The following JCAD variants were observed in gnomAD, a reference collection of about 807,000 sequenced individuals.
JCAD encodes the protein junctional cadherin 5 associated.
JCAD carries 40 observed loss-of-function variants against 98.0 expected under a neutral mutation model. That is an observed-to-expected ratio of 0.41 (90% CI 0.32 to 0.53). The LOEUF (loss-of-function observed/expected upper bound fraction) is 0.53. Among genes scored for constraint, JCAD ranks in the 20% least tolerant of loss-of-function variants. JCAD has a pLI of 0.31. For synonymous variants in JCAD, 691 were observed against 682.3 expected (o/e 1.01, Z -0.20); for missense variants, 1,705 against 1,738.1 (o/e 0.98, Z 0.34).
intron 1 of JCAD, among the ~76,000 whole-genome samples, chr10:30,110,779 T>C (rs1255396140): frequency 6.6e-6 from 1 of 151,362 alleles, no homozygotes; most frequent in Non-Finnish European, 1.5e-5. Flanking sequence ...TATGGACCAG[T>C]TGATGTATGG....
chr10:30,023,766 GTGT>G (rs1357919613), intron 3 of JCAD, among the ~76,000 whole-genome samples: 1 of 151,968 alleles, frequency 6.6e-6, no homozygotes, highest in East Asian at 1.9e-4. Flanking sequence ...CATGAGGGAG[GTGT>G]TGTTAATAAC....
At chr10:30,025,962 A>G in intron 3 of JCAD, 141 bp downstream of exon 3, 1 of 945,768 alleles carries the variant, frequency 1.1e-6, no homozygotes, top group South Asian at 1.5e-5. Context: ...AAAATGAGGA[A>G]TCTTTTGATA....
chr10:30,021,200 C>A (rs1836654445), intron 3 of JCAD, among the ~76,000 whole-genome samples: 1 of 152,156 alleles, frequency 6.6e-6, no homozygotes, highest in African/African-American at 2.4e-5. Context: ...ATGTGGGCCA[C>A]AAAACATTAT....
Position 30,028,525 on chromosome 10 carries a change from A to C in JCAD, c.1623T>G (p.Val541=). 1 of 1,614,130 alleles carries C rather than the reference A, an allele frequency of 6.2e-7. No individual in the cohort carries two copies. Among genetic ancestry groups the C allele is most frequent in the South Asian group, 1.1e-5 (1 of 91,082 alleles). Residue 541 remains valine, a synonymous_variant, in exon 3 of 4, where the codon GTT becomes GTG. Coordinates refer to ENST00000375377, the MANE Select transcript of JCAD (RefSeq NM_020848.4). Reference sequence around the variant, plus strand: ...TCTCGCCCTGTGAGTAAGGGGAGGAAACTTGTCTTCCAGTGTGCCCGTGCT... The same window carrying C: ...TCTCGCCCTGTGAGTAAGGGGAGGACACTTGTCTTCCAGTGTGCCCGTGCT... ...GSQHGHTGRQ[V]SSPYSQGEST... is the part of the protein sequence containing the mutation.
chr10:30,092,098 T>TTATATA (rs1554802538), intron 1 of JCAD, among the ~76,000 whole-genome samples: 4 of 44,598 alleles, frequency 9.0e-5, no homozygotes, highest in South Asian at 9.6e-4. Flanking sequence ...TAAAGTTACT[T>TTATATA]TATATATATA....
rs1378010570 is a variant in JCAD at position 30,027,960 on chromosome 10, C to CT, written c.2187dup (p.Ala730SerfsTer11). The CT allele has an allele frequency of 6.2e-7, 1 of 1,614,230 alleles. No homozygotes were observed. Among genetic ancestry groups the CT allele is most frequent in the African/African-American group, 1.3e-5 (1 of 75,056 alleles). ...GTAGGGAATGCTGTGTGCGTCTGAG[C>CT]TTCGGAGGCAGCAGGGTCTGAACAT... On this transcript the variant is annotated frameshift_variant, in exon 3 of 4. Coordinates refer to ENST00000375377, the MANE Select transcript of JCAD (RefSeq NM_020848.4). LOFTEE classifies it high-confidence loss of function.
At chr10:30,098,883 A>G (rs1010184808) in intron 1 of JCAD, among the ~76,000 whole-genome samples, 3 of 152,192 alleles carry the variant, frequency 2.0e-5, no homozygotes, top group Non-Finnish European at 4.4e-5. Context: ...TTTGGAGCTC[A>G]TGTTGCAAGC....
chr10:30,082,908 C>T (rs1297633118), intron 1 of JCAD, among the ~76,000 whole-genome samples: 1 of 149,558 alleles, frequency 6.7e-6, no homozygotes, highest in South Asian at 2.1e-4. Context: ...GTGGCATGCA[C>T]CTGTAGTCCC....
chr10:30,024,661 G>A (rs1836743709), intron 3 of JCAD, among the ~76,000 whole-genome samples: 1 of 150,800 alleles, frequency 6.6e-6, no homozygotes, highest in South Asian at 2.1e-4. Flanking sequence ...CACTGTATTT[G>A]GGGGAAACTT....
At chr10:30,071,424 T>C (rs1213703663) in intron 1 of JCAD, among the ~76,000 whole-genome samples, 1 of 152,180 alleles carries the variant, frequency 6.6e-6, no homozygotes, top group Non-Finnish European at 1.5e-5. Context: ...TCTTCTAATG[T>C]TGGAGCCATT....
chr10:30,092,125 T>TA lies in JCAD; in HGVS notation n.129-22305dup, dbSNP rs775484783. Among the ~76,000 whole-genome samples the TA allele has an allele frequency of 4.2e-4, 44 of 104,926 alleles. 2 individuals are homozygous for TA. Among genetic ancestry groups the TA allele is most frequent in the East Asian group, 2.0e-3 (7 of 3,446 alleles). The allele number at this position is 104,926 out of a possible 152,430, so 68.8% of individuals were successfully genotyped here. On this transcript the variant is annotated intron_variant and non_coding_transcript_variant, in intron 1 of 2. Transcript: ENST00000465712. ...ATATATATATATATATATATATATA[T>TA]AAAAAACATTTTAACTCTTTGCAAG...
chr10:30,055,480 G>C (rs1445258380), intron 1 of JCAD, among the ~76,000 whole-genome samples: 3 of 152,250 alleles, frequency 2.0e-5, no homozygotes, highest in African/African-American at 7.2e-5. Context: ...GGGTAGAATT[G>C]TGTATTTTAC....
chr10:30,100,675 G>C (rs921206203), intron 1 of JCAD, among the ~76,000 whole-genome samples: 6 of 152,080 alleles, frequency 3.9e-5, no homozygotes, highest in African/African-American at 9.7e-5. Context: ...TGAGCCACCC[G>C]ACCCTGGCCT....
At chr10:30,115,117 C>A in intron 1 of JCAD, among the ~76,000 whole-genome samples, 1 of 152,160 alleles carries the variant, frequency 6.6e-6, no homozygotes. Context: ...AAATGCGATG[C>A]GGCGACTCCA....
At chr10:30,108,911 G>A (rs1838637906) in intron 1 of JCAD, among the ~76,000 whole-genome samples, 1 of 151,810 alleles carries the variant, frequency 6.6e-6, no homozygotes, top group Non-Finnish European at 1.5e-5. Context: ...TTGTAAGTAT[G>A]TTGCACAGTG....
chr10:30,071,572 A>T (rs1837891315), intron 1 of JCAD, among the ~76,000 whole-genome samples: 1 of 152,168 alleles, frequency 6.6e-6, no homozygotes, highest in African/African-American at 2.4e-5. Context: ...TGGGAGGCCG[A>T]GGCGGGCAGA....
intron 1 of JCAD, among the ~76,000 whole-genome samples, chr10:30,085,617 G>A (rs148524516): frequency 1.8e-4 from 27 of 152,266 alleles, no homozygotes; most frequent in African/African-American, 5.5e-4. Flanking sequence ...CCAAAAAAGC[G>A]AGAATTGGTT....
At chr10:30,031,163 T>C (rs925444800) in intron 2 of JCAD, among the ~76,000 whole-genome samples, 3 of 152,130 alleles carry the variant, frequency 2.0e-5, no homozygotes, top group Admixed American at 6.5e-5. Context: ...GGTCTCACTC[T>C]ATCACCCAGG....
chr10:30,033,841 G>A (rs375562069), intron 2 of JCAD, among the ~76,000 whole-genome samples: 4 of 152,166 alleles, frequency 2.6e-5, no homozygotes, highest in South Asian at 2.1e-4. Context: ...CTGTGGGCAG[G>A]AGCCCTGGTA....
Sources: gnomAD v4.1 joint callset for allele counts (sites outside exome capture counted in the v4.1 genomes callset) on GRCh38, gnomAD v4.1.1 for gene constraint, MANE v1.5 for transcripts, NCBI Gene and HGNC (gene_info 2026-07-23, HGNC 2026-07-21) for gene names.